PTPRD: variants seen among roughly 807,000 people sequenced by gnomAD.
The protein encoded by PTPRD is receptor-type tyrosine-protein phosphatase delta.
A neutral mutation model predicts 214.5 loss-of-function variants in PTPRD; 34 were observed. The ratio of observed to expected loss-of-function variants is 0.16; its 90% CI spans 0.12 to 0.21. PTPRD has a LOEUF of 0.21. Among genes scored for constraint, PTPRD ranks in the 10% least tolerant of loss-of-function variants. The pLI is 1.00. For missense variants in PTPRD, 2,545 were observed against 2,398.7 expected, an observed-to-expected ratio of 1.06 and a Z score of -1.27; for synonymous variants, 1,128 against 845.7, an observed-to-expected ratio of 1.33 and a Z score of -5.79.
At chr9:9,525,777 A>C (rs576773447) in intron 8 of PTPRD, among the ~76,000 whole-genome samples, 96 of 152,202 alleles carry the variant, frequency 6.3e-4, no homozygotes, top group African/African-American at 2.3e-3. Flanking sequence ...TAATATTAGT[A>C]GGTATTCATA....
At chr9:9,972,359 A>G (rs1294987615) in intron 4 of PTPRD, among the ~76,000 whole-genome samples, 1 of 152,166 alleles carries the variant, frequency 6.6e-6, no homozygotes, top group Non-Finnish European at 1.5e-5. Context: ...GTAGACTTAG[A>G]GAACACCCTT....
At chr9:8,690,298 C>A (rs184830480) in intron 12 of PTPRD, among the ~76,000 whole-genome samples, 9 of 151,818 alleles carry the variant, frequency 5.9e-5, no homozygotes, top group African/African-American at 2.2e-4. Context: ...GAGGTCGAGG[C>A]GGGCAGATCA....
At chr9:10,201,531 C>A (rs1280790722) in intron 3 of PTPRD, among the ~76,000 whole-genome samples, 1 of 151,840 alleles carries the variant, frequency 6.6e-6, no homozygotes, top group Non-Finnish European at 1.5e-5. Flanking sequence ...ATTTAATTGT[C>A]ATCTTTTTAA....
intron 10 of PTPRD, among the ~76,000 whole-genome samples, chr9:9,116,249 T>C (rs537537886): frequency 2.0e-4 from 30 of 152,248 alleles, no homozygotes; most frequent in Admixed American, 9.2e-4. Context: ...ATGTGGTGTG[T>C]ATATAAATAT....
chr9:10,417,501 C>T (rs2098503289), intron 2 of PTPRD, among the ~76,000 whole-genome samples: 1 of 151,720 alleles, frequency 6.6e-6, no homozygotes, highest in African/African-American at 2.4e-5. Context: ...TGTAATGTGA[C>T]TTTGCCAAGT....
chr9:9,589,313 G>T (rs1238426129), intron 7 of PTPRD, among the ~76,000 whole-genome samples: 2 of 151,498 alleles, frequency 1.3e-5, no homozygotes, highest in Non-Finnish European at 2.9e-5. Context: ...GATGTTCTTG[G>T]TTGCAGCTAT....
chr9:10,409,516 G>A (rs1445251175), intron 2 of PTPRD, among the ~76,000 whole-genome samples: 2 of 151,536 alleles, frequency 1.3e-5, no homozygotes, highest in Non-Finnish European at 3.0e-5. Flanking sequence ...CAATATTTAA[G>A]GCTAAACTCT....
intron 39 of PTPRD, among the ~76,000 whole-genome samples, chr9:8,374,008 A>C (rs2082446023): frequency 6.6e-6 from 1 of 151,624 alleles, no homozygotes; most frequent in Non-Finnish European, 1.5e-5. Context: ...TGTATTTTGA[A>C]ATGCAATGTG....
chr9:9,276,836 A>G (rs1945838024), intron 9 of PTPRD, among the ~76,000 whole-genome samples: 1 of 151,322 alleles, frequency 6.6e-6, no homozygotes, highest in Non-Finnish European at 1.5e-5. Context: ...GGGAAAGTCA[A>G]TATTTTATTG....
intron 9 of PTPRD, among the ~76,000 whole-genome samples, chr9:9,200,114 T>C (rs2099940996): frequency 6.6e-6 from 1 of 152,202 alleles, no homozygotes; most frequent in Admixed American, 6.5e-5. Flanking sequence ...AGGAAATAAG[T>C]TGCCTCTGCT....
intron 5 of PTPRD, among the ~76,000 whole-genome samples, chr9:9,873,235 C>T (rs952913356): frequency 6.6e-6 from 1 of 152,134 alleles, no homozygotes; most frequent in Non-Finnish European, 1.5e-5. Flanking sequence ...ATAAACTGTT[C>T]TAACCTTTCA....
At chr9:8,770,177 G>A (rs983066885) in intron 11 of PTPRD, among the ~76,000 whole-genome samples, 8 of 151,922 alleles carry the variant, frequency 5.3e-5, no homozygotes, top group Non-Finnish European at 2.9e-5. Flanking sequence ...GCTACTCGGG[G>A]GGCTGAGGCA....
At chr9:9,527,687 T>C (rs1166607682) in intron 8 of PTPRD, among the ~76,000 whole-genome samples, 1 of 152,196 alleles carries the variant, frequency 6.6e-6, no homozygotes, top group Admixed American at 6.5e-5. Flanking sequence ...TTTTTATTTC[T>C]TTTTTATATG....
chr9:9,655,706 G>A (rs887768976), intron 7 of PTPRD, among the ~76,000 whole-genome samples: 5 of 151,494 alleles, frequency 3.3e-5, no homozygotes, highest in Middle Eastern at 3.2e-3. Flanking sequence ...AGCTGGGTGC[G>A]GTGGCTCACA....
At chr9:8,659,939 G>A (rs1290770171) in intron 12 of PTPRD, among the ~76,000 whole-genome samples, 1 of 152,186 alleles carries the variant, frequency 6.6e-6, no homozygotes, top group Admixed American at 6.5e-5. Context: ...GAGAGAGAGA[G>A]AGACTGGTTC....
intron 5 of PTPRD, among the ~76,000 whole-genome samples, chr9:9,809,723 G>A (rs1015455927): frequency 1.3e-5 from 2 of 152,156 alleles, no homozygotes; most frequent in African/African-American, 4.8e-5. Context: ...AGAAGGAAAA[G>A]GGAAATATGA....
At position 8,839,921 on chromosome 9, in the gene PTPRD, A is replaced by G. The variant is rs117344182; in HGVS notation, c.-103-105975T>C. Among the ~76,000 whole-genome samples, 687 of 152,348 alleles carry G rather than the reference A, an allele frequency of 4.5e-3. 5 individuals are homozygous for G. The highest frequency in any genetic ancestry group is 0.02 in the Middle Eastern group (6 of 294). ...GGTAAAATGATAACTGATGTACTGA[A>G]TAGCAAATTCACCATACAGTACAAA... On this transcript the variant is annotated intron_variant, in intron 11 of 45. Transcript: ENST00000381196.
chr9:10,015,256 A>C (rs1214558990), intron 4 of PTPRD, among the ~76,000 whole-genome samples: 1 of 152,140 alleles, frequency 6.6e-6, no homozygotes, highest in African/African-American at 2.4e-5. Context: ...CCGCTAATTG[A>C]ATTTTTCAGC....
intron 9 of PTPRD, among the ~76,000 whole-genome samples, chr9:9,219,884 G>C (rs1340969147): frequency 6.6e-6 from 1 of 152,178 alleles, no homozygotes; most frequent in Non-Finnish European, 1.5e-5. Flanking sequence ...AAAACATTGG[G>C]ACTATGGTAA....
Sources: allele counts gnomAD v4.1 joint callset (sites outside exome capture counted in the v4.1 genomes callset), GRCh38; gene constraint gnomAD v4.1.1; transcripts MANE v1.5; gene names NCBI Gene and HGNC (gene_info 2026-07-23, HGNC 2026-07-21).